Variants in EPB41L4A observed in about 807,000 individuals in gnomAD.
EPB41L4A encodes the protein band 4.1-like protein 4A.
EPB41L4A carries 100 observed loss-of-function variants against 108.6 expected under a neutral mutation model. The ratio of observed to expected loss-of-function variants is 0.92; its 90% CI spans 0.78 to 1.09. The LOEUF (loss-of-function observed/expected upper bound fraction) is 1.09. Ranked by LOEUF, EPB41L4A falls within the 50% of genes least tolerant of loss-of-function variation. The pLI is 0.00. For synonymous variants in EPB41L4A, 319 were observed against 289.0 expected (o/e 1.10, Z -1.05); for missense variants, 1,030 against 842.7 (o/e 1.22, Z -2.75).
intron 5 of EPB41L4A, among the ~76,000 whole-genome samples, 188 bp downstream of exon 5, chr5:112,266,045 T>C (rs1481134221): frequency 6.6e-6 from 1 of 152,216 alleles, no homozygotes; most frequent in Admixed American, 6.5e-5. Context: ...CATAAGGGAT[T>C]TGTACTAGGC....
intron 12 of EPB41L4A, among the ~76,000 whole-genome samples, chr5:112,220,142 C>T (rs1580459074): frequency 1.3e-5 from 2 of 152,142 alleles, no homozygotes; most frequent in East Asian, 1.9e-4. Flanking sequence ...ATTTTCGATG[C>T]TGTGAACCCA....
intron 1 of EPB41L4A, among the ~76,000 whole-genome samples, chr5:112,324,932 C>A (rs964197000): frequency 6.6e-6 from 1 of 152,040 alleles, no homozygotes; most frequent in African/African-American, 2.4e-5. Context: ...CTACAACAAT[C>A]TTTTTGAAAA....
intron 9 of EPB41L4A, among the ~76,000 whole-genome samples, chr5:112,255,339 T>C (rs902664745): frequency 6.6e-6 from 1 of 152,220 alleles, no homozygotes; most frequent in Non-Finnish European, 1.5e-5. Context: ...TATTTGTTCA[T>C]TCCCCCGTTA....
chr5:112,299,527 G>A (rs763171315), intron 2 of EPB41L4A, among the ~76,000 whole-genome samples: 2 of 152,178 alleles, frequency 1.3e-5, no homozygotes, highest in Non-Finnish European at 2.9e-5. Context: ...AGAATGTTCT[G>A]TAAATGGCCA....
In EPB41L4A at chr5:112,392,379, G is replaced by T. The variant is rs1205284760; in HGVS notation, c.99+26562C>A. On this transcript the variant is annotated intron_variant, in intron 1 of 22. Transcript: ENST00000261486. The stretch of plus-strand genomic sequence containing the variant: ...GGCTCAAAATAAAGGGATGGAGGAA[G>T]ATCTACCAAGCAAATGGAAAGCAAA... 4.7e-5 allele frequency among the ~76,000 whole-genome samples: 4 copies of T among 84,624 alleles called. No individual in the cohort carries two copies. The Admixed American group carries it at 7.4e-4, about 16-fold the overall frequency. 55.5% of individuals were successfully genotyped at this position (84,624 alleles called of 152,430 possible).
intron 1 of EPB41L4A, among the ~76,000 whole-genome samples, chr5:112,314,774 C>G (rs887973566): frequency 1.3e-5 from 2 of 149,690 alleles, no homozygotes; most frequent in African/African-American, 5.0e-5. Context: ...GCCTGGGTGA[C>G]GGAGCAAGAC....
chr5:112,275,036 T>C (rs994871029), intron 4 of EPB41L4A, among the ~76,000 whole-genome samples: 2 of 152,196 alleles, frequency 1.3e-5, no homozygotes, highest in African/African-American at 2.4e-5. Flanking sequence ...TCGATATGAA[T>C]ACAAAGGCTG....
At chr5:112,326,246 G>A (rs1756152179) in intron 1 of EPB41L4A, among the ~76,000 whole-genome samples, 1 of 152,014 alleles carries the variant, frequency 6.6e-6, no homozygotes, top group Non-Finnish European at 1.5e-5. Flanking sequence ...CCCAGGATCA[G>A]GTGGAGGGTC....
intron 1 of EPB41L4A, among the ~76,000 whole-genome samples, chr5:112,360,466 G>C (rs1227454348): frequency 6.6e-6 from 1 of 152,190 alleles, no homozygotes; most frequent in African/African-American, 2.4e-5. Flanking sequence ...GTGGAGACGG[G>C]GTTTCGCCAT....
chr5:112,251,844 G>A (rs1382633443), intron 9 of EPB41L4A, among the ~76,000 whole-genome samples: 1 of 152,178 alleles, frequency 6.6e-6, no homozygotes, highest in African/African-American at 2.4e-5. Flanking sequence ...GCACAGGAAT[G>A]AAGAAGGAAG....
chr5:112,248,183 G>C (rs1340961166), intron 9 of EPB41L4A, among the ~76,000 whole-genome samples: 1 of 152,170 alleles, frequency 6.6e-6, no homozygotes, highest in Non-Finnish European at 1.5e-5. Context: ...CAGGAGCCAG[G>C]TATTCTGAAT....
chr5:112,373,822 A>T (rs1436075639), intron 1 of EPB41L4A, among the ~76,000 whole-genome samples: 4 of 152,246 alleles, frequency 2.6e-5, no homozygotes, highest in Admixed American at 2.6e-4. Context: ...TAAAGATAGT[A>T]TCTAACACAT....
At chr5:112,182,580 G>A (rs1761211978) in intron 18 of EPB41L4A, among the ~76,000 whole-genome samples, 1 of 152,120 alleles carries the variant, frequency 6.6e-6, no homozygotes, top group Admixed American at 6.5e-5. Context: ...TTTAGAAATA[G>A]TTAGAAAAAC....
chr5:112,416,259 A>G (rs79263466), intron 1 of EPB41L4A, among the ~76,000 whole-genome samples: 93 of 152,284 alleles, frequency 6.1e-4, no homozygotes, highest in Non-Finnish European at 1.2e-3. Context: ...AAAAATGTTT[A>G]CCAAGATTCT....
rs559221053 is a variant in EPB41L4A, at chr5:112,325,270, T to C, written c.100-17780A>G. ...TCCTGGCTAACATGGTGAAACCCTG[T>C]CTCTACTAAAAATACAAAAAATTAG... On this transcript the variant is annotated intron_variant, in intron 1 of 22. Coordinates refer to ENST00000261486, the MANE Select transcript of EPB41L4A (RefSeq NM_022140.5). Among the ~76,000 whole-genome samples, 3 of 152,034 alleles carry C rather than the reference T, an allele frequency of 2.0e-5. No individual in the cohort carries two copies. The East Asian group carries it at 5.8e-4, about 29-fold the overall frequency.
chr5:112,388,368 C>CTGGCCCA (rs1232731679), intron 1 of EPB41L4A, among the ~76,000 whole-genome samples: 1 of 152,150 alleles, frequency 6.6e-6, no homozygotes, highest in Non-Finnish European at 1.5e-5. Context: ...ACCTACCCAC[C>CTGGCCCA]TGGCCCAGGT....
chr5:112,205,200 T>C (rs910405488), intron 14 of EPB41L4A, among the ~76,000 whole-genome samples: 2 of 152,210 alleles, frequency 1.3e-5, no homozygotes, highest in African/African-American at 2.4e-5. Flanking sequence ...GTTTCCCTTT[T>C]GCCTTTCCAG....
intron 15 of EPB41L4A, among the ~76,000 whole-genome samples, chr5:112,196,026 C>T (rs1052852104): frequency 6.6e-6 from 1 of 152,202 alleles, no homozygotes; most frequent in Non-Finnish European, 1.5e-5. Context: ...CTGACATCAT[C>T]TCACTTGGAT....
At chr5:112,393,387 G>A (rs551532889) in intron 1 of EPB41L4A, among the ~76,000 whole-genome samples, 298 of 151,708 alleles carry the variant, frequency 2.0e-3, no homozygotes, top group Non-Finnish European at 3.2e-3. Flanking sequence ...AAACAGACGC[G>A]ATAAAAAATG....
Sources: allele counts gnomAD v4.1 joint callset (sites outside exome capture counted in the v4.1 genomes callset), GRCh38; gene constraint gnomAD v4.1.1; transcripts MANE v1.5; gene names NCBI Gene and HGNC (gene_info 2026-07-23, HGNC 2026-07-21).